Variants in PDE1C observed in about 807,000 individuals in gnomAD.
PDE1C encodes dual specificity calcium/calmodulin-dependent 3',5'-cyclic nucleotide phosphodiesterase 1C.
Under a neutral mutation model 93.1 loss-of-function variants are expected in PDE1C, and 62 were observed. The observed-to-expected ratio is 0.67, with a 90% CI of 0.54 to 0.82. The LOEUF (loss-of-function observed/expected upper bound fraction) is 0.82. Ranked by LOEUF, PDE1C falls within the 40% of genes least tolerant of loss-of-function variation. The pLI is 0.00. For synonymous variants in PDE1C, 325 were observed against 310.1 expected (o/e 1.05, Z -0.50); for missense variants, 742 against 884.6 (o/e 0.84, Z 2.04).
At chr7:31,652,878 A>C in the PDE1C span, 2 of 1,565,224 alleles carry the variant, frequency 1.3e-6, no homozygotes, top group Non-Finnish European at 1.7e-6. Flanking sequence ...GGCCCAGAAC[A>C]GATGTAGCAA....
chr7:31,842,686 T>C (rs1275112708), intron 9 of PDE1C, among the ~76,000 whole-genome samples: 2 of 152,128 alleles, frequency 1.3e-5, no homozygotes, highest in Admixed American at 1.3e-4. Flanking sequence ...GTCAATCATG[T>C]TGCTCTTTTC....
chr7:32,000,721 C>T (rs1025220077), intron 2 of PDE1C, among the ~76,000 whole-genome samples: 14 of 152,182 alleles, frequency 9.2e-5, no homozygotes, highest in African/African-American at 3.4e-4. Flanking sequence ...TGCCCATTAC[C>T]ACCTCCAGCC....
intron 1 of PDE1C, among the ~76,000 whole-genome samples, chr7:32,227,223 A>T (rs1416082647): frequency 6.6e-6 from 1 of 152,152 alleles, no homozygotes; most frequent in Non-Finnish European, 1.5e-5. Context: ...AGAGAAAAAA[A>T]GCTGCTCCAA....
At chr7:32,130,620 C>T (rs1469468543) in intron 3 of PDE1C, among the ~76,000 whole-genome samples, 7 of 152,050 alleles carry the variant, frequency 4.6e-5, no homozygotes, top group Non-Finnish European at 7.4e-5. Context: ...TCCTTAACTC[C>T]CTATGGTCCA....
intron 1 of PDE1C, among the ~76,000 whole-genome samples, chr7:32,370,135 G>C (rs1585129107): frequency 6.6e-6 from 1 of 152,132 alleles, no homozygotes; most frequent in East Asian, 1.9e-4. Context: ...ATACACCATG[G>C]AATACTATGC....
At chr7:31,637,183 G>A in the PDE1C span, among the ~76,000 whole-genome samples, 1 of 151,926 alleles carries the variant, frequency 6.6e-6, no homozygotes, top group Non-Finnish European at 1.5e-5. Flanking sequence ...TGTGAATAGT[G>A]CCGCAATAAA....
At chr7:31,832,251 T>C (rs1446012796) in intron 11 of PDE1C, among the ~76,000 whole-genome samples, 2 of 152,200 alleles carry the variant, frequency 1.3e-5, no homozygotes, top group Non-Finnish European at 1.5e-5. Flanking sequence ...AAGAGATGTT[T>C]GCAAAATATA....
At chr7:32,077,075 A>G (rs1375369131) in intron 3 of PDE1C, among the ~76,000 whole-genome samples, 1 of 152,116 alleles carries the variant, frequency 6.6e-6, no homozygotes, top group Non-Finnish European at 1.5e-5. Flanking sequence ...CCCAATCTCT[A>G]CTAAAAACAC....
chr7:32,234,366 C>G (rs748580961), intron 1 of PDE1C, among the ~76,000 whole-genome samples: 7 of 151,808 alleles, frequency 4.6e-5, no homozygotes, highest in Non-Finnish European at 1.0e-4. Flanking sequence ...ATGGCAAAAC[C>G]TGAAGACAGC....
At chr7:32,015,633 A>G in intron 2 of PDE1C, among the ~76,000 whole-genome samples, 1 of 152,140 alleles carries the variant, frequency 6.6e-6, no homozygotes, top group South Asian at 2.1e-4. Context: ...AAAAAGATGT[A>G]TATTTTTTGC....
intron 5 of PDE1C, among the ~76,000 whole-genome samples, chr7:31,875,233 G>C (rs1320510768): frequency 6.6e-6 from 1 of 152,140 alleles, no homozygotes; most frequent in African/African-American, 2.4e-5. Flanking sequence ...TTTAATCCTA[G>C]TGTCCAGAAA....
At chr7:32,050,505 C>G (rs1171334674) in intron 2 of PDE1C, among the ~76,000 whole-genome samples, 1 of 151,818 alleles carries the variant, frequency 6.6e-6, no homozygotes, top group South Asian at 2.1e-4. Flanking sequence ...CAAGATGAAC[C>G]AATGAATGAA....
chr7:31,786,697 C>T (rs1235582100), intron 16 of PDE1C: 2 of 152,016 alleles, frequency 1.3e-5, no homozygotes, highest in Admixed American at 6.6e-5. Context: ...GCCTGAATTC[C>T]CTAAATTCTC....
intron 1 of PDE1C, among the ~76,000 whole-genome samples, chr7:32,397,810 C>G (rs544161612): frequency 5.3e-5 from 8 of 151,070 alleles, no homozygotes; most frequent in Non-Finnish European, 1.0e-4. Flanking sequence ...GGTCAGAGTT[C>G]GAGACTAGTC....
Position 31,940,297 on chromosome 7 carries a change from C to T in PDE1C, c.129-59437G>A, listed in dbSNP as rs1162636348. Among the ~76,000 whole-genome samples the T allele has an allele frequency of 3.3e-5, 5 of 152,284 alleles. No individual in the cohort carries two copies. In the East Asian group the frequency reaches 5.8e-4, roughly 18 times the overall value. ...AGTTGCCTGTGCTGTAGTTTCTCCT[C>T]TGACATACTCTCAGGTGCTCAGGCT... On this transcript the variant is annotated intron_variant, in intron 2 of 17. Coordinates refer to ENST00000396191, the MANE Select transcript of PDE1C (RefSeq NM_001191057.4).
In PDE1C at chr7:31,875,188, G is replaced by A. The variant is rs189961445; in HGVS notation, c.493-1780C>T. Among the ~76,000 whole-genome samples, 21 of 152,294 alleles carry A rather than the reference G, an allele frequency of 1.4e-4. 1 individual carries two copies. The highest frequency in any genetic ancestry group is 5.2e-4 in the Admixed American group (8 of 15,294). On this transcript the variant is annotated intron_variant, in intron 5 of 17. Transcript: ENST00000396191. ...TAAGGAAAAAGTCACTGACAACTGAGTAGGCTGGAAAATGCTGTGTCACTT... is the reference window on the plus strand; with the variant it reads ...TAAGGAAAAAGTCACTGACAACTGAATAGGCTGGAAAATGCTGTGTCACTT...
intron 1 of PDE1C, among the ~76,000 whole-genome samples, chr7:32,304,875 G>A (rs1044799783): frequency 4.6e-5 from 7 of 152,194 alleles, no homozygotes; most frequent in Non-Finnish European, 1.0e-4. Context: ...ACATGACAAT[G>A]TTATTATTTT....
chr7:31,975,443 T>C (rs1298955459), intron 2 of PDE1C, among the ~76,000 whole-genome samples: 2 of 152,150 alleles, frequency 1.3e-5, no homozygotes, highest in Non-Finnish European at 2.9e-5. Flanking sequence ...CAAGAGTGTA[T>C]TGAGACTAAC....
chr7:32,060,698 T>C (rs907548152), intron 1 of PDE1C, among the ~76,000 whole-genome samples: 12 of 144,628 alleles, frequency 8.3e-5, no homozygotes, highest in African/African-American at 3.0e-4. Flanking sequence ...AAATTGGTGC[T>C]TTGAACGATT....
Sources: gnomAD v4.1 joint callset for allele counts (sites outside exome capture counted in the v4.1 genomes callset) on GRCh38, gnomAD v4.1.1 for gene constraint, MANE v1.5 for transcripts, NCBI Gene and HGNC (gene_info 2026-07-23, HGNC 2026-07-21) for gene names.